Variants in NTNG1 observed in about 807,000 individuals in gnomAD.
NTNG1 encodes the protein netrin-G1.
NTNG1 carries 16 observed loss-of-function variants against 54.0 expected under a neutral mutation model. The observed-to-expected ratio is 0.30, with a 90% CI of 0.20 to 0.45. NTNG1 has a LOEUF of 0.45. NTNG1 is among the 20% of genes least tolerant of loss of function. NTNG1 has a pLI of 1.00. For missense variants in NTNG1, 530 were observed against 678.7 expected, an observed-to-expected ratio of 0.78 and a Z score of 2.43; for synonymous variants, 255 against 263.1, an observed-to-expected ratio of 0.97 and a Z score of 0.30.
At chr1:107,355,132 T>A (rs559721738) in intron 3 of NTNG1, among the ~76,000 whole-genome samples, 1 of 152,216 alleles carries the variant, frequency 6.6e-6, no homozygotes, top group South Asian at 2.1e-4. Context: ...ACCTTCCTGA[T>A]CATTTTTGAT....
intron 2 of NTNG1, among the ~76,000 whole-genome samples, chr1:107,318,312 C>A (rs1406294793): frequency 6.6e-6 from 1 of 152,038 alleles, no homozygotes; most frequent in Non-Finnish European, 1.5e-5. Flanking sequence ...GTTATCAGGT[C>A]CATTGTCATA....
At chr1:107,385,348 C>A (rs147836238) in intron 3 of NTNG1, among the ~76,000 whole-genome samples, 1 of 152,132 alleles carries the variant, frequency 6.6e-6, no homozygotes, top group Non-Finnish European at 1.5e-5. Flanking sequence ...TGGTCCTGGT[C>A]TCTGCCATAG....
At chr1:107,479,237 T>C (rs1286949339) in intron 7 of NTNG1, among the ~76,000 whole-genome samples, 1 of 152,242 alleles carries the variant, frequency 6.6e-6, no homozygotes, top group Non-Finnish European at 1.5e-5. Context: ...TCCACCACCA[T>C]CTTTCCTAAG....
chr1:107,471,954 C>A (rs186028250), intron 7 of NTNG1, among the ~76,000 whole-genome samples: 1 of 152,204 alleles, frequency 6.6e-6, no homozygotes, highest in African/African-American at 2.4e-5. Context: ...TTTTTTAGAG[C>A]ACCTCCACAT....
At chr1:107,304,609 T>A (rs1487555769) in intron 2 of NTNG1, among the ~76,000 whole-genome samples, 4 of 152,234 alleles carry the variant, frequency 2.6e-5, no homozygotes, top group African/African-American at 9.6e-5. Context: ...TTGTTGCAGT[T>A]TGATTCTTGG....
At chr1:107,285,333 G>A (rs1665118179) in intron 2 of NTNG1, among the ~76,000 whole-genome samples, 1 of 152,070 alleles carries the variant, frequency 6.6e-6, no homozygotes, top group Non-Finnish European at 1.5e-5. Flanking sequence ...TACTGATGAT[G>A]AATCATAGGA....
chr1:107,417,246 T>C (rs372387883), intron 5 of NTNG1, among the ~76,000 whole-genome samples: 10 of 152,118 alleles, frequency 6.6e-5, no homozygotes, highest in Admixed American at 2.0e-4. Flanking sequence ...TTCATAGATA[T>C]CATCAAGATT....
chr1:107,375,477 C>T (rs1671174569), intron 3 of NTNG1, among the ~76,000 whole-genome samples: 1 of 152,196 alleles, frequency 6.6e-6, no homozygotes, highest in African/African-American at 2.4e-5. Context: ...AGTAGAAGTT[C>T]TTCTGGAATC....
chr1:107,374,663 C>T (rs78673275), intron 3 of NTNG1, among the ~76,000 whole-genome samples: 10 of 152,096 alleles, frequency 6.6e-5, no homozygotes, highest in Non-Finnish European at 1.5e-4. Flanking sequence ...GTTTTAATGT[C>T]CTGTCTGCTA....
chr1:107,192,405 A>G (rs1304266523), intron 2 of NTNG1, among the ~76,000 whole-genome samples: 1 of 152,066 alleles, frequency 6.6e-6, no homozygotes, highest in Non-Finnish European at 1.5e-5. Flanking sequence ...CAAAAGCCTT[A>G]TCCCAAGGGT....
chr1:107,287,580 C>T (rs990853387), intron 2 of NTNG1, among the ~76,000 whole-genome samples: 24 of 152,108 alleles, frequency 1.6e-4, no homozygotes, highest in Admixed American at 1.6e-3. Flanking sequence ...AGACCTTGGT[C>T]TCTATAAAAC....
At position 107,316,777 on chromosome 1, in the gene NTNG1, T is replaced by G. The variant is rs141429371; in HGVS notation, c.247-7505T>G. 4.3e-4 allele frequency among the ~76,000 whole-genome samples: 66 copies of G among 152,320 alleles called. No individual in the cohort carries two copies. In the East Asian group the frequency reaches 0.012, roughly 27 times the overall value. On this transcript the variant is annotated intron_variant, in intron 2 of 7. Transcript: ENST00000370068. ...AACAGGTGATTGTTGCCTGTATATA[T>G]CTTATCTCCACACTAAACTGCAAAT... is the stretch of plus-strand genomic sequence containing the variant.
rs372794282 is a variant in NTNG1 at position 107,483,422 on chromosome 1, G to A, written c.*2582G>A. On this transcript the variant is annotated 3_prime_UTR_variant, in exon 8 of 8. Transcript: ENST00000370068. ...TATAGTTTTCTGAATTTCCTGAAGC[G>A]ATGTGATCTGCTTTTAATAAAAATT... The A allele has an allele frequency of 2.0e-5, 3 of 152,198 alleles. No homozygotes were observed. The highest frequency in any genetic ancestry group is 2.9e-5 in the Non-Finnish European group (2 of 68,042). 9.4% of individuals were successfully genotyped at this position (152,198 alleles called of 1,614,324 possible).
chr1:107,207,098 A>G (rs1659253814), intron 2 of NTNG1, among the ~76,000 whole-genome samples: 1 of 152,142 alleles, frequency 6.6e-6, no homozygotes, highest in Non-Finnish European at 1.5e-5. Context: ...AAAACATCCA[A>G]TTACTTGGTT....
At chr1:107,385,638 A>C (rs1671916534) in intron 3 of NTNG1, among the ~76,000 whole-genome samples, 1 of 151,526 alleles carries the variant, frequency 6.6e-6, no homozygotes. Context: ...TCTTGGCCTC[A>C]TTGTGTCATA....
At position 107,422,756 on chromosome 1, in the gene NTNG1, A is replaced by C. The variant is rs990476054; in HGVS notation, c.1088-7994A>C. ...CAAATTCTTTCTTTTTGAATGTCTA[A>C]AGTGAATTTTAATCAGCTCTGGATT... is the stretch of plus-strand genomic sequence containing the variant. On this transcript the variant is annotated intron_variant, in intron 5 of 7. Coordinates refer to ENST00000370068, the MANE Select transcript of NTNG1 (RefSeq NM_001113226.3). 6.6e-5 allele frequency among the ~76,000 whole-genome samples: 10 copies of C among 152,062 alleles called. No homozygotes were observed. The South Asian group carries it at 1.9e-3, about 28-fold the overall frequency.
At chr1:107,245,188 C>A (rs1464278322) in intron 2 of NTNG1, among the ~76,000 whole-genome samples, 2 of 152,180 alleles carry the variant, frequency 1.3e-5, no homozygotes, top group Admixed American at 1.3e-4. Flanking sequence ...ACACTTCATA[C>A]ACTATCAGGC....
chr1:107,284,085 T>C (rs1275128945), intron 2 of NTNG1, among the ~76,000 whole-genome samples: 2 of 152,152 alleles, frequency 1.3e-5, no homozygotes, highest in South Asian at 2.1e-4. Flanking sequence ...AGTATACTTA[T>C]CTCCTTTTTT....
At chr1:107,381,868 C>T (rs1436519368) in intron 3 of NTNG1, among the ~76,000 whole-genome samples, 1 of 152,128 alleles carries the variant, frequency 6.6e-6, no homozygotes, top group Non-Finnish European at 1.5e-5. Context: ...CCGGGATTCT[C>T]CATGTCATGG....
Sources: allele counts gnomAD v4.1 joint callset (sites outside exome capture counted in the v4.1 genomes callset), GRCh38; gene constraint gnomAD v4.1.1; transcripts MANE v1.5; gene names NCBI Gene and HGNC (gene_info 2026-07-23, HGNC 2026-07-21).